Variants in ZBTB11 observed in about 807,000 individuals in gnomAD.
ZBTB11 encodes zinc finger and BTB domain-containing protein 11.
Under a neutral mutation model 113.1 loss-of-function variants are expected in ZBTB11, and 68 were observed. The ratio of observed to expected loss-of-function variants is 0.60; its 90% CI spans 0.49 to 0.74. The LOEUF is 0.74. ZBTB11 is among the 30% of genes least tolerant of loss of function. The pLI, the probability that ZBTB11 is intolerant of heterozygous loss-of-function variation, is 0.00. For missense variants in ZBTB11, 1,104 were observed against 1,279.4 expected (o/e 0.86, Z 2.09); for synonymous variants, 518 against 452.6 (o/e 1.14, Z -1.83).
intron 9 of ZBTB11, 44 bp from the exon 10 acceptor site, chr3:101,652,715 G>T (rs758052481): frequency 6.2e-7 from 1 of 1,609,874 alleles, no homozygotes; most frequent in East Asian, 2.2e-5. Context: ...CAAAGAAGTA[G>T]CAGCCATAAC....
intron 5 of ZBTB11, chr3:101,662,273 T>C (rs1187158042): frequency 2.6e-5 from 4 of 152,164 alleles, no homozygotes; most frequent in African/African-American, 7.2e-5. Context: ...TCTCGAAGTG[T>C]TGGAGTGTTG....
rs763157651 is a variant in ZBTB11, at chr3:101,672,212, A to G, written c.312T>C (p.Gly104=). Reference sequence around the variant, plus strand: ...TGTAATCTTTGACTTGCTTCAATATACCTACAATGAAAATATTAACAAGTC... The same window carrying G: ...TGTAATCTTTGACTTGCTTCAATATGCCTACAATGAAAATATTAACAAGTC... ...HYLSKTYWWR[G]ILKQVKDYIK... is the part of the protein sequence containing the mutation. The change falls in exon 2 of 11, where the codon GGT becomes GGC. Residue 104 remains glycine (G), a splice_region_variant and synonymous_variant. Transcript: ENST00000312938. 3.8e-6 allele frequency: 6 copies of G among 1,584,610 alleles called. No homozygotes were observed. The highest frequency in any genetic ancestry group is 5.2e-6 in the Non-Finnish European group (6 of 1,164,708).
intron 5 of ZBTB11, among the ~76,000 whole-genome samples, chr3:101,660,855 A>C (rs1160132295): frequency 6.6e-6 from 1 of 151,968 alleles, no homozygotes; most frequent in African/African-American, 2.4e-5. Flanking sequence ...TTCTCTTTGC[A>C]CTTACTAATT....
intron 1 of ZBTB11, among the ~76,000 whole-genome samples, chr3:101,674,032 C>CTT (rs1405853607): frequency 4.9e-5 from 5 of 102,734 alleles, no homozygotes; most frequent in African/African-American, 4.3e-5. Flanking sequence ...TTCACAGAGA[C>CTT]TGTTTTTTTT....
At chr3:101,666,417 C>G (rs4683854) in intron 3 of ZBTB11, among the ~76,000 whole-genome samples, 30,999 of 152,120 alleles carry the variant, frequency 0.2, 3,479 homozygotes, top group East Asian at 0.33. Context: ...CACCAATGGA[C>G]GCAGCTGTGT....
chr3:101,670,932 G>C (rs1436684435), intron 3 of ZBTB11, 198 bp downstream of exon 3: 8 of 545,492 alleles, frequency 1.5e-5, no homozygotes, highest in Admixed American at 1.3e-4. Context: ...TTAAGACGTA[G>C]TGAAAGGAAA....
Position 101,676,164 on chromosome 3 carries a change from A to G in ZBTB11, c.310+441T>C, listed in dbSNP as rs1937165036. Among the ~76,000 whole-genome samples the G allele has an allele frequency of 2.0e-5, 3 of 151,088 alleles. No homozygotes were observed. The South Asian group carries it at 6.2e-4, about 31-fold the overall frequency. ...CCAAAACCCAAGCGCAGCACTAAAG[A>G]AACGGGAGACCCGGCTTCGGGTGAC... is the stretch of plus-strand genomic sequence containing the variant. On this transcript the variant is annotated intron_variant, in intron 1 of 10. Transcript: ENST00000312938.
intron 3 of ZBTB11, among the ~76,000 whole-genome samples, chr3:101,666,886 G>A (rs1350477116): frequency 4.6e-5 from 7 of 152,014 alleles, no homozygotes; most frequent in South Asian, 2.1e-4. Context: ...GAGTAGGTGC[G>A]ACTACAGGCA....
At chr3:101,655,002 C>T (rs889403818) in intron 7 of ZBTB11, among the ~76,000 whole-genome samples, 181 bp from the exon 8 acceptor site, 2 of 152,040 alleles carry the variant, frequency 1.3e-5, no homozygotes, top group African/African-American at 4.8e-5. Context: ...CTCAGCTTCC[C>T]GAGTAGCTGG....
At position 101,665,754 on chromosome 3, in the gene ZBTB11, A is replaced by T; in HGVS notation, c.833T>A (p.Leu278Gln). The T allele has an allele frequency of 6.2e-7, 1 of 1,613,314 alleles. No homozygotes were observed. Among genetic ancestry groups the T allele is most frequent in the Non-Finnish European group, 8.5e-7 (1 of 1,179,752 alleles). ...PLLEFAYTSV[L>Q]SFDFCSMADV... ...AGCCATGCTACAGAAATCAAAACTT[A>T]GTACAGAAGTATAGGCAAATTCCAG... The change falls in exon 4 of 11, where the codon CTA becomes CAA. Residue 278 changes from leucine to glutamine, a missense_variant. Around this residue, in one of 5 missense-constraint regions of ZBTB11, gnomAD observed 86 missense variants for 131.0 expected, o/e 0.66. Transcript: ENST00000312938.
At position 101,677,045 on chromosome 3, in the gene ZBTB11, G is replaced by C; in HGVS notation, c.-131C>G. The C allele has an allele frequency of 9.7e-7, 1 of 1,031,394 alleles. No individual in the cohort carries two copies. The highest frequency in any genetic ancestry group is 1.4e-6 in the Non-Finnish European group (1 of 736,574). The allele number at this position is 1,031,394 out of a possible 1,614,324, so 63.9% of individuals were successfully genotyped here. A position where few individuals can be genotyped will look rare whatever the true frequency, so the allele number is the denominator to read the frequency against. On this transcript the variant is annotated 5_prime_UTR_variant, in exon 1 of 11. Coordinates refer to ENST00000312938, the MANE Select transcript of ZBTB11 (RefSeq NM_014415.4). ...GCTGCGCCTTTGGCGAGCGCTCTTC[G>C]ACGGCTCCCTTAGTCCGAAGGAAAA...
intron 5 of ZBTB11, chr3:101,662,132 C>G (rs1030856669): frequency 2.6e-5 from 4 of 151,778 alleles, no homozygotes; most frequent in African/African-American, 9.7e-5. Context: ...TAACTGTGAA[C>G]AGTCAATTGA....
rs930368579 is a variant in ZBTB11 at position 101,651,078 on chromosome 3, A to T, written c.*88T>A. The T allele has an allele frequency of 2.8e-6, 4 of 1,440,722 alleles. No homozygotes were observed. The highest frequency in any genetic ancestry group is 3.7e-6 in the Non-Finnish European group (4 of 1,082,200). 89.2% of individuals were successfully genotyped at this position (1,440,722 alleles called of 1,614,324 possible). ...CCCAGAACTTTGATATGTAAACTCCAAGCAGACAGTCACACAGAATTGTAA... is the reference window on the plus strand; with the variant it reads ...CCCAGAACTTTGATATGTAAACTCCTAGCAGACAGTCACACAGAATTGTAA... On this transcript the variant is annotated 3_prime_UTR_variant, in exon 11 of 11. Coordinates refer to ENST00000312938, the MANE Select transcript of ZBTB11 (RefSeq NM_014415.4).
In ZBTB11 at chr3:101,665,796, G is replaced by A; in HGVS notation, c.791C>T (p.Ala264Val). 1 of 1,592,474 alleles carries A rather than the reference G, an allele frequency of 6.3e-7. No homozygotes were observed. Among genetic ancestry groups the A allele is most frequent in the Non-Finnish European group, 8.5e-7 (1 of 1,172,246 alleles). Residue 264 changes from alanine to valine, a missense_variant, in exon 4 of 11, where the codon GCC becomes GTC. Coordinates refer to ENST00000312938, the MANE Select transcript of ZBTB11 (RefSeq NM_014415.4). ...AVVDLSGFCK[A>V]SFLPLLEFAY... The stretch of plus-strand genomic sequence containing the variant: ...AAATTCCAGTAAAGGAAGGAAGCTG[G>A]CCTTACAAAAACCTGTATGAATACA...
intron 3 of ZBTB11, among the ~76,000 whole-genome samples, chr3:101,669,294 G>A (rs1937047625): frequency 1.3e-5 from 2 of 152,186 alleles, no homozygotes; most frequent in East Asian, 1.9e-4. Context: ...TCAAAGCTTT[G>A]GGATTACTGG....
rs967448061 is a variant in ZBTB11, at chr3:101,652,537, G to A, written c.2603C>T (p.Thr868Ile). Residue 868 changes from threonine (T) to isoleucine (I), a missense_variant, in exon 10 of 11, where the codon ACT becomes ATT. This residue lies in a region of ZBTB11 where 148 missense variants were observed against 259.3 expected (regional missense o/e 0.57). Transcript: ENST00000312938. Reference protein sequence around the residue: ...RVCEKCGRKFTQLREYRRHMN... With the variant: ...RVCEKCGRKFIQLREYRRHMN... ...GTGTCTCCTATACTCTCTTAGCTGA[G>A]TGAATTTTCTTCCACATTTTTCACA... The A allele has an allele frequency of 6.2e-7, 1 of 1,614,044 alleles. No individual in the cohort carries two copies. Among genetic ancestry groups the A allele is most frequent in the African/African-American group, 1.3e-5 (1 of 74,930 alleles).
intron 1 of ZBTB11, among the ~76,000 whole-genome samples, chr3:101,674,034 G>GC (rs370615068): frequency 7.2e-6 from 1 of 139,726 alleles, no homozygotes; most frequent in African/African-American, 2.7e-5. Context: ...CACAGAGACT[G>GC]TTTTTTTTTT....
At chr3:101,671,433 A>T in intron 2 of ZBTB11, 72 bp from the exon 3 acceptor site, 1 of 1,086,018 alleles carries the variant, frequency 9.2e-7, no homozygotes, top group East Asian at 2.4e-5. Flanking sequence ...CTTTAAAACA[A>T]GACACATTAC....
intron 7 of ZBTB11, among the ~76,000 whole-genome samples, 167 bp from the exon 8 acceptor site, chr3:101,654,988 C>T (rs933502874): frequency 1.3e-5 from 2 of 152,140 alleles, no homozygotes; most frequent in Non-Finnish European, 2.9e-5. Flanking sequence ...AGTGATTCTC[C>T]TGCCTCAGCT....
Sources: gnomAD v4.1 joint callset for allele counts (sites outside exome capture counted in the v4.1 genomes callset) on GRCh38, gnomAD v4.1.1 for gene constraint, gnomAD v4.1.1 regional missense constraint, MANE v1.5 for transcripts, NCBI Gene and HGNC (gene_info 2026-07-23, HGNC 2026-07-21) for gene names.